SETD1A: variants seen among roughly 807,000 people sequenced by gnomAD.
The protein encoded by SETD1A is SET domain containing 1A, histone lysine methyltransferase.
Under a neutral mutation model 149.9 loss-of-function variants are expected in SETD1A, and 29 were observed. The ratio of observed to expected loss-of-function variants is 0.19; its 90% CI spans 0.14 to 0.26. SETD1A has a LOEUF of 0.26. Among genes scored for constraint, SETD1A ranks in the 10% least tolerant of loss-of-function variants. The pLI is 1.00. For missense variants in SETD1A, 2,109 were observed against 2,353.1 expected (o/e 0.90, Z 2.15); for synonymous variants, 1,141 against 968.5 (o/e 1.18, Z -3.31).
chr16:30,966,231 A>T lies in SETD1A; in HGVS notation c.2350A>T (p.Thr784Ser), dbSNP rs1596677289. The change falls in exon 8 of 19, where the codon ACC becomes TCC. Residue 784 changes from threonine to serine, a missense_variant. Around this residue, in one of 8 missense-constraint regions of SETD1A, gnomAD observed 431 missense variants for 388.6 expected, o/e 1.11. Coordinates refer to ENST00000262519, the MANE Select transcript of SETD1A (RefSeq NM_014712.3). ...REEAELAEGK[T>S]LPTAGTVGRV... ...AGAAGCAGAGCTGGCAGAGGGCAAGACCCTCCCGACAGCAGGCACCGTGGG... is the reference window on the plus strand; with the variant it reads ...AGAAGCAGAGCTGGCAGAGGGCAAGTCCCTCCCGACAGCAGGCACCGTGGG... The T allele has an allele frequency of 1.2e-6, 2 of 1,613,230 alleles. No individual in the cohort carries two copies. Among genetic ancestry groups the T allele is most frequent in the South Asian group, 1.1e-5 (1 of 91,072 alleles).
Position 30,979,373 on chromosome 16 carries a change from C to T in SETD1A, c.3587C>T (p.Ser1196Phe), listed in dbSNP as rs551632850. 5.0e-6 allele frequency: 8 copies of T among 1,612,806 alleles called. No homozygotes were observed. The South Asian group carries it at 7.7e-5, about 16-fold the overall frequency. Residue 1196 changes from serine to phenylalanine, a missense_variant, in exon 14 of 19, where the codon TCC (serine) becomes TTC (phenylalanine). By Grantham distance (155) the Ser-to-Phe change is radical. This residue lies in a region of SETD1A where 832 missense variants were observed against 815.6 expected (regional missense o/e 1.02). Transcript: ENST00000262519. ...CAGGCCAAGTTTCCCGGCCCAGCCT[C>T]CCGCAAGGCTCCCCGGGGCGTGGAG... is the stretch of plus-strand genomic sequence containing the variant. ...PPQAKFPGPA[S>F]RKAPRGVERT...
At chr16:30,981,009 G>C in intron 16 of SETD1A, 52 bp from the exon 17 acceptor site, 5 of 1,610,138 alleles carry the variant, frequency 3.1e-6, no homozygotes, top group Non-Finnish European at 3.4e-6. Context: ...GAAGAGTGAG[G>C]GTCTGGGGTG....
Position 30,965,064 on chromosome 16 carries a change from G to T in SETD1A, c.1322G>T (p.Gly441Val). Residue 441 changes from glycine to valine, a missense_variant, in exon 7 of 19, where the codon GGT (glycine) becomes GTT (valine). By Grantham distance (109) the Gly-to-Val change is moderately radical. Coordinates refer to ENST00000262519, the MANE Select transcript of SETD1A (RefSeq NM_014712.3). ...EAPPPEPPEP[G>V]GGGGGGGPSP... ...CCACCCCCGGAGCCTCCAGAACCTG[G>T]TGGAGGCGGGGGTGGAGGAGGGCCC... The T allele has an allele frequency of 1.2e-6, 2 of 1,611,740 alleles. No individual in the cohort carries two copies. Among genetic ancestry groups the T allele is most frequent in the Non-Finnish European group, 1.7e-6 (2 of 1,179,548 alleles).
Position 30,965,810 on chromosome 16 carries a change from C to T in SETD1A, c.1929C>T (p.Pro643=), listed in dbSNP as rs2056134735. 5 of 1,595,324 alleles carry T rather than the reference C, an allele frequency of 3.1e-6. No homozygotes were observed. The highest frequency in any genetic ancestry group is 1.7e-4 in the Middle Eastern group (1 of 5,974). The part of the protein sequence containing the change: ...LLPPRPDGPP[P]PEYPPPPPPP... ...CACCCAGACCTGATGGGCCGCCGCC[C>T]CCTGAGTACCCCCCACCTCCTCCAC... Residue 643 remains proline (P), a synonymous_variant, in exon 8 of 19, where the codon CCC becomes CCT. Coordinates refer to ENST00000262519, the MANE Select transcript of SETD1A (RefSeq NM_014712.3).
chr16:30,968,830 C>T lies in SETD1A; in HGVS notation c.2771-475C>T, dbSNP rs550469186. Reference sequence around the variant, plus strand: ...AAAAAATATATATATATATGCCAGGCACGATGGCTCACGCCTATAATCCCA... The same window carrying T: ...AAAAAATATATATATATATGCCAGGTACGATGGCTCACGCCTATAATCCCA... On this transcript the variant is annotated intron_variant, in intron 10 of 18. Coordinates refer to ENST00000262519, the MANE Select transcript of SETD1A (RefSeq NM_014712.3). Among the ~76,000 whole-genome samples the T allele has an allele frequency of 9.9e-5, 15 of 151,420 alleles. No individual in the cohort carries two copies. In the East Asian group the frequency reaches 2.7e-3, roughly 28 times the overall value.
Position 30,984,186 on chromosome 16 carries a change from G to C in SETD1A, c.*163G>C. On this transcript the variant is annotated 3_prime_UTR_variant, in exon 19 of 19. Coordinates refer to ENST00000262519, the MANE Select transcript of SETD1A (RefSeq NM_014712.3). ...AGCGAGGGAGCCTCAGTCCCTGGAG[G>C]CAGCTTCTGCCTCTCCTGTCACCCC... is the stretch of plus-strand genomic sequence containing the variant. The C allele has an allele frequency of 1.6e-6, 1 of 609,678 alleles. No individual in the cohort carries two copies. Among genetic ancestry groups the C allele is most frequent in the South Asian group, 2.0e-5 (1 of 49,048 alleles). The allele number at this position is 609,678 out of a possible 1,614,324, so 37.8% of individuals were successfully genotyped here.
chr16:30,962,469 TAGAG>T (rs1350979735), intron 4 of SETD1A, among the ~76,000 whole-genome samples: 3 of 152,126 alleles, frequency 2.0e-5, no homozygotes, highest in African/African-American at 4.8e-5. Flanking sequence ...AAATTTGAGA[TAGAG>T]AGTAAAGGAG....
rs781251172 is a variant in SETD1A at position 30,964,982 on chromosome 16, C to A, written c.1240C>A (p.Pro414Thr). The A allele has an allele frequency of 9.9e-6, 16 of 1,613,640 alleles. No individual in the cohort carries two copies. Among genetic ancestry groups the A allele is most frequent in the Admixed American group, 8.3e-5 (5 of 59,992 alleles). Residue 414 changes from proline (P) to threonine (T), a missense_variant, in exon 7 of 19, where the codon CCC becomes ACC. Physicochemically the swap from Pro to Thr is conservative, Grantham distance 38. This residue lies in a region of SETD1A where 410 missense variants were observed against 394.8 expected (regional missense o/e 1.04). Transcript: ENST00000262519. ...CCCACCTTCTTACACCTCCTACCTG[C>A]CCCCCGAGCCCAGCCGGCCCACCGA... ...RFPPSYTSYL[P>T]PEPSRPTDQD...
In SETD1A at chr16:30,979,969, C is replaced by T. The variant is rs993360927; in HGVS notation, c.4183C>T (p.Arg1395Cys). 537 of 1,523,908 alleles carry T rather than the reference C, an allele frequency of 3.5e-4. 1 individual carries two copies. The highest frequency in any genetic ancestry group is 4.5e-4 in the Non-Finnish European group (509 of 1,139,326). 94.4% of individuals were successfully genotyped at this position (1,523,908 alleles called of 1,614,324 possible). ...GEGALRRRSLRSHARRRRPPP... is the reference protein window; with the variant it reads ...GEGALRRRSLCSHARRRRPPP... ...GGGCGCCCTCCGGAGGCGCAGCCTCCGCTCCCACGCCCGGCGCCGCCGCCC... is the reference window on the plus strand; with the variant it reads ...GGGCGCCCTCCGGAGGCGCAGCCTCTGCTCCCACGCCCGGCGCCGCCGCCC... Residue 1395 changes from arginine to cysteine, a missense_variant, in exon 14 of 19, where the codon CGC becomes TGC. Coordinates refer to ENST00000262519, the MANE Select transcript of SETD1A (RefSeq NM_014712.3).
At chr16:30,970,902 A>T (rs2143533458) in intron 12 of SETD1A, among the ~76,000 whole-genome samples, 1 of 152,346 alleles carries the variant, frequency 6.6e-6, no homozygotes, top group Middle Eastern at 3.4e-3. Context: ...TCCTTCCCGT[A>T]CATGAGCAGT....
At chr16:30,967,257 G>A (rs1219645248) in intron 9 of SETD1A, among the ~76,000 whole-genome samples, 197 bp downstream of exon 9, 3 of 152,080 alleles carry the variant, frequency 2.0e-5, no homozygotes, top group Non-Finnish European at 4.4e-5. Context: ...GGGTTCAAGC[G>A]ATTCTCCTGC....
rs374966225 is a variant in SETD1A, at chr16:30,979,151, C to T, written c.3365C>T (p.Thr1122Met). The change falls in exon 14 of 19, where the codon ACG becomes ATG. Residue 1122 changes from threonine to methionine, a missense_variant. Around this residue, in one of 8 missense-constraint regions of SETD1A, gnomAD observed 832 missense variants for 815.6 expected, o/e 1.02. Transcript: ENST00000262519. ...EASPARPAGP[T>M]EESPPSAPLR... The stretch of plus-strand genomic sequence containing the variant: ...CTATGTGCTTCCTTCCCAGGCCCCA[C>T]GGAGGAGTCACCCCCCAGTGCGCCT... 8.4e-5 allele frequency: 132 copies of T among 1,564,232 alleles called. 1 individual carries two copies. The East Asian group carries it at 1.1e-3, about 13-fold the overall frequency.
rs184584408 is a variant in SETD1A at position 30,983,467 on chromosome 16, G to A, written c.4813-168G>A. ...CTTAGGATGCTGCCCCAAAGAGGGAGGGCTCCTGGAAGCAGAGTCGAGAGA... is the reference window on the plus strand; with the variant it reads ...CTTAGGATGCTGCCCCAAAGAGGGAAGGCTCCTGGAAGCAGAGTCGAGAGA... On this transcript the variant is annotated intron_variant, in intron 17 of 18. Transcript: ENST00000262519. This position sits in a 1 kb window ranked among gnomAD's most constrained non-coding sequence, Gnocchi z 6.8. Among the ~76,000 whole-genome samples the A allele has an allele frequency of 1.3e-5, 2 of 152,354 alleles. No individual in the cohort carries two copies. The highest frequency in any genetic ancestry group is 4.8e-5 in the African/African-American group (2 of 41,582).
rs1328568937 is a variant in SETD1A at position 30,965,037 on chromosome 16, C to T, written c.1295C>T (p.Ala432Val). The T allele has an allele frequency of 2.5e-6, 4 of 1,612,980 alleles. No homozygotes were observed. The South Asian group carries it at 3.3e-5, about 13-fold the overall frequency. ...DQDYRPPASE[A>V]PPPEPPEPGG... ...GACTACCGGCCTCCTGCCTCAGAGG[C>T]TCCACCCCCGGAGCCTCCAGAACCT... is the stretch of plus-strand genomic sequence containing the variant. The change falls in exon 7 of 19, where the codon GCT becomes GTT. Residue 432 changes from alanine (A) to valine (V), a missense_variant. Physicochemically the swap from Ala to Val is moderately conservative, Grantham distance 64 (BLOSUM62 0). Around this residue, in one of 8 missense-constraint regions of SETD1A, gnomAD observed 410 missense variants for 394.8 expected, o/e 1.04. Transcript: ENST00000262519.
At position 30,961,464 on chromosome 16, in the gene SETD1A, C is replaced by A; in HGVS notation, c.444C>A (p.Ala148=). Reference sequence around the variant, plus strand: ...TGCTCTTCACCAGCACTCGGGGCGCCAAGGAAACGGTCAAAAACCTCCACC... The same window carrying A: ...TGCTCTTCACCAGCACTCGGGGCGCAAAGGAAACGGTCAAAAACCTCCACC... ...ARVLFTSTRG[A]KETVKNLHLT... is the part of the protein sequence containing the mutation. The change falls in exon 4 of 19, where the codon GCC becomes GCA. Residue 148 remains alanine, a synonymous_variant. Coordinates refer to ENST00000262519, the MANE Select transcript of SETD1A (RefSeq NM_014712.3). This position sits in a 1 kb window ranked among gnomAD's most constrained non-coding sequence, Gnocchi z 4.0. 1 of 1,614,134 alleles carries A rather than the reference C, an allele frequency of 6.2e-7. No homozygotes were observed. The highest frequency in any genetic ancestry group is 8.5e-7 in the Non-Finnish European group (1 of 1,180,026).
intron 4 of SETD1A, 45 bp from the exon 5 acceptor site, chr16:30,963,388 T>G (rs2056080809): frequency 4.6e-6 from 7 of 1,536,094 alleles, no homozygotes; most frequent in Non-Finnish European, 5.3e-6. Context: ...CAGGAAGGAG[T>G]TAGTATCTCC....
intron 10 of SETD1A, among the ~76,000 whole-genome samples, chr16:30,968,811 T>C (rs538524019): frequency 1.4e-5 from 2 of 146,286 alleles, no homozygotes. Context: ...AAAAAAAAAA[T>C]ATATATATAT....
At chr16:30,975,170 C>T (rs911309786) in intron 13 of SETD1A, among the ~76,000 whole-genome samples, 2 of 151,268 alleles carry the variant, frequency 1.3e-5, no homozygotes, top group Admixed American at 1.3e-4. Context: ...ATTAGCCATG[C>T]ATGCTGGCAG....
In SETD1A at chr16:30,979,966, C is replaced by T; in HGVS notation, c.4180C>T (p.Leu1394Phe). ...GGAGGGCGCCCTCCGGAGGCGCAGC[C>T]TCCGCTCCCACGCCCGGCGCCGCCG... is the stretch of plus-strand genomic sequence containing the variant. ...DGEGALRRRS[L>F]RSHARRRRPP... The change falls in exon 14 of 19, where the codon CTC becomes TTC. Residue 1394 changes from leucine to phenylalanine, a missense_variant. Physicochemically the swap from Leu to Phe is conservative, Grantham distance 22. Around this residue, in one of 8 missense-constraint regions of SETD1A, gnomAD observed 832 missense variants for 815.6 expected, o/e 1.02. Transcript: ENST00000262519. 1 of 1,526,140 alleles carries T rather than the reference C, an allele frequency of 6.6e-7. No individual in the cohort carries two copies. The highest frequency in any genetic ancestry group is 8.8e-7 in the Non-Finnish European group (1 of 1,140,250). The allele number at this position is 1,526,140 out of a possible 1,614,324, so 94.5% of individuals were successfully genotyped here.
Sources: gnomAD v4.1 joint callset for allele counts (sites outside exome capture counted in the v4.1 genomes callset) on GRCh38, gnomAD v4.1.1 for gene constraint, gnomAD v4.1.1 regional missense constraint, Gnocchi (gnomAD v3.1) non-coding constraint, MANE v1.5 for transcripts, NCBI Gene and HGNC (gene_info 2026-07-23, HGNC 2026-07-21) for gene names.